Variants in DYNC2I2 observed in about 807,000 individuals in gnomAD.
DYNC2I2 encodes dynein 2 intermediate chain 2.
A neutral mutation model predicts 52.0 loss-of-function variants in DYNC2I2; 39 were observed. The observed-to-expected ratio is 0.75, with a 90% CI of 0.58 to 0.98. DYNC2I2 has a LOEUF of 0.98. DYNC2I2 is among the 50% of genes least tolerant of loss of function. DYNC2I2 has a pLI of 0.00. For missense variants in DYNC2I2, 743 were observed against 728.4 expected, an observed-to-expected ratio of 1.02 and a Z score of -0.23; for synonymous variants, 359 against 321.1, an observed-to-expected ratio of 1.12 and a Z score of -1.26.
At chr9:128,663,678 G>GCTCTT in the DYNC2I2 span, 3 of 141,426 alleles carry the variant, frequency 2.1e-5, no homozygotes, top group Admixed American at 7.2e-5. Context: ...TTTGAGACAG[G>GCTCTT]GTATCACTCT....
chr9:128,659,863 GCGC>G (rs1270369420), upstream of DYNC2I2, among the ~76,000 whole-genome samples: 1 of 151,494 alleles, frequency 6.6e-6, no homozygotes, highest in Non-Finnish European at 1.5e-5. Context: ...AGGCAAGATG[GCGC>G]CATTGCACTC....
intron 1 of DYNC2I2, among the ~76,000 whole-genome samples, chr9:128,647,751 A>G (rs9299322): frequency 7.3e-6 from 1 of 136,190 alleles, no homozygotes; most frequent in Non-Finnish European, 1.6e-5. Flanking sequence ...AAAAAAAAAA[A>G]GCGTTCAGGG....
chr9:128,634,886 T>C lies in DYNC2I2; in HGVS notation c.1017A>G (p.Ala339=), dbSNP rs770240590. ...PRGETEVGAT[A]VAFSSFDPRL... is the part of the protein sequence containing the mutation. ...TAGGGTCAAAGCTGGAGAAGGCCACTGCCGTGGCGCCCACCTCGGTCTCCC... is the reference window on the plus strand; with the variant it reads ...TAGGGTCAAAGCTGGAGAAGGCCACCGCCGTGGCGCCCACCTCGGTCTCCC... The change falls in exon 7 of 9, where the codon GCA becomes GCG. Residue 339 remains alanine (A), a synonymous_variant. Transcript: ENST00000372715. 6.2e-7 allele frequency: 1 copy of C among 1,613,144 alleles called. No homozygotes were observed. Among genetic ancestry groups the C allele is most frequent in the Non-Finnish European group, 8.5e-7 (1 of 1,179,916 alleles).
At chr9:128,643,090 G>A (rs1055270857) in intron 1 of DYNC2I2, among the ~76,000 whole-genome samples, 16 of 151,972 alleles carry the variant, frequency 1.1e-4, no homozygotes, top group Non-Finnish European at 2.9e-5. Flanking sequence ...ATAAAATGTC[G>A]TGGAGGAAAA....
chr9:128,671,620 G>A, the DYNC2I2 span, among the ~76,000 whole-genome samples: 19 of 149,704 alleles, frequency 1.3e-4, no homozygotes, highest in Admixed American at 2.7e-4. Flanking sequence ...CTACAGGTGC[G>A]TGCCACCACG....
chr9:128,661,720 C>A (rs1374238561), upstream of DYNC2I2, among the ~76,000 whole-genome samples: 1 of 151,698 alleles, frequency 6.6e-6, no homozygotes, highest in East Asian at 1.9e-4. Context: ...AACAATCACA[C>A]TTACTTGATC....
the DYNC2I2 span, among the ~76,000 whole-genome samples, chr9:128,670,311 G>C: frequency 1.3e-5 from 2 of 151,342 alleles, no homozygotes; most frequent in Non-Finnish European, 1.5e-5. Context: ...GTCGTGGTGG[G>C]TGCCTGTAAT....
the DYNC2I2 span, among the ~76,000 whole-genome samples, chr9:128,673,165 CA>C: frequency 2.0e-5 from 3 of 152,154 alleles, no homozygotes; most frequent in African/African-American, 7.2e-5. Flanking sequence ...AATGATCAAA[CA>C]GTAGTAGCAG....
intron 1 of DYNC2I2, among the ~76,000 whole-genome samples, chr9:128,655,579 G>A (rs1860804823): frequency 6.8e-6 from 1 of 148,130 alleles, no homozygotes; most frequent in Non-Finnish European, 1.5e-5. Flanking sequence ...CTACACTCCA[G>A]CCTGGGCGAC....
chr9:128,681,139 G>A, the DYNC2I2 span, among the ~76,000 whole-genome samples: 1 of 152,090 alleles, frequency 6.6e-6, no homozygotes, highest in Admixed American at 6.6e-5. Context: ...CACCCAGGCT[G>A]GAGTGCAGTG....
At position 128,633,655 on chromosome 9, in the gene DYNC2I2, CCCCCAAA is replaced by C. The variant is rs1478803504; in HGVS notation, c.*82_*88del. 2.1e-6 allele frequency: 3 copies of C among 1,424,048 alleles called. No homozygotes were observed. The African/African-American group carries it at 4.3e-5, about 20-fold the overall frequency. 88.2% of individuals were successfully genotyped at this position (1,424,048 alleles called of 1,614,324 possible). A position where few individuals can be genotyped will look rare whatever the true frequency, so the allele number is the denominator to read the frequency against. On this transcript the variant is annotated 3_prime_UTR_variant, in exon 9 of 9. Coordinates refer to ENST00000372715, the MANE Select transcript of DYNC2I2 (RefSeq NM_052844.4). ...GTAAAAGACAAATAAATGATGACTT[CCCCCAAA>C]GCTTTGCTTTTCTTCATTTGGCTTG...
chr9:128,656,650 A>G lies in DYNC2I2; in HGVS notation c.77T>C (p.Val26Ala). The part of the protein sequence containing the change: ...AGVAALATVG[V>A]ASGPGPGRPG... ...CCGCCCCGGCCCCGGGCCGCTCGCA[A>G]CCCCGACTGTCGCCAGCGCCGCAAC... Residue 26 changes from valine to alanine, a missense_variant, in exon 1 of 9, where the codon GTT (valine) becomes GCT (alanine). Coordinates refer to ENST00000372715, the MANE Select transcript of DYNC2I2 (RefSeq NM_052844.4). 2.0e-6 allele frequency: 3 copies of G among 1,507,974 alleles called. No homozygotes were observed. The highest frequency in any genetic ancestry group is 2.6e-6 in the Non-Finnish European group (3 of 1,136,774). 93.4% of individuals were successfully genotyped at this position (1,507,974 alleles called of 1,614,324 possible).
the DYNC2I2 span, among the ~76,000 whole-genome samples, chr9:128,682,123 A>G: frequency 6.7e-6 from 1 of 149,730 alleles, no homozygotes; most frequent in Non-Finnish European, 1.5e-5. Flanking sequence ...ATCTCCACTC[A>G]CTGCGATCTC....
chr9:128,682,826 C>G, the DYNC2I2 span, among the ~76,000 whole-genome samples: 2 of 151,474 alleles, frequency 1.3e-5, no homozygotes, highest in Non-Finnish European at 2.9e-5. Context: ...CAGGTGCCCA[C>G]CTCCACGCTC....
intron 1 of DYNC2I2, among the ~76,000 whole-genome samples, chr9:128,647,845 A>G (rs1860645163): frequency 6.6e-6 from 1 of 152,070 alleles, no homozygotes; most frequent in East Asian, 1.9e-4. Flanking sequence ...TACCAAAGCA[A>G]GACCAGCAGG....
At chr9:128,683,866 G>C in the DYNC2I2 span, 2 of 1,529,686 alleles carry the variant, frequency 1.3e-6, no homozygotes, top group African/African-American at 1.4e-5. Flanking sequence ...GAGGAGACTC[G>C]TGGTCTGGTT....
intron 1 of DYNC2I2, among the ~76,000 whole-genome samples, chr9:128,645,037 G>A (rs920913999): frequency 1.3e-5 from 2 of 152,158 alleles, no homozygotes; most frequent in East Asian, 1.9e-4. Flanking sequence ...TCCCTATTCC[G>A]AGACAAGACA....
At chr9:128,677,632 T>C in the DYNC2I2 span, among the ~76,000 whole-genome samples, 3 of 150,372 alleles carry the variant, frequency 2.0e-5, no homozygotes, top group African/African-American at 7.4e-5. Flanking sequence ...ACCCCGTCTC[T>C]ACTAAAAAAA....
intron 1 of DYNC2I2, among the ~76,000 whole-genome samples, chr9:128,645,838 A>G (rs972877950): frequency 1.3e-5 from 2 of 152,178 alleles, no homozygotes; most frequent in Non-Finnish European, 2.9e-5. Flanking sequence ...CTTGAAGGAA[A>G]TTAAAAGTGC....
Sources: allele counts gnomAD v4.1 joint callset (sites outside exome capture counted in the v4.1 genomes callset), GRCh38; gene constraint gnomAD v4.1.1; transcripts MANE v1.5; gene names NCBI Gene and HGNC (gene_info 2026-07-23, HGNC 2026-07-21).